The following ZC3H12B variants were observed in gnomAD, a reference collection of about 807,000 sequenced individuals.
The protein encoded by ZC3H12B is zinc finger CCCH-type containing 12B.
In ZC3H12B, 7 loss-of-function variants were observed where a neutral mutation model predicts 43.9. The observed-to-expected ratio is 0.16, with a 90% confidence interval of 0.09 to 0.30. The LOEUF (loss-of-function observed/expected upper bound fraction) is 0.30, where lower values mean the gene tolerates loss of function less well. ZC3H12B is among the 10% of genes least tolerant of loss of function. The probability of loss-of-function intolerance (pLI) is 1.00; values close to 1 mark genes in which losing one functional copy is unlikely to be tolerated. For missense variants in ZC3H12B, 475 were observed against 670.2 expected, an observed-to-expected ratio of 0.71 and a Z score of 3.22; for synonymous variants, 222 against 241.7, an observed-to-expected ratio of 0.92 and a Z score of 0.76.
At chrX:65,332,173 C>A in the ZC3H12B span, among the ~76,000 whole-genome samples, 1 of 110,294 alleles carries the variant, frequency 9.1e-6, no homozygotes, top group Non-Finnish European at 1.9e-5. Flanking sequence ...TATAAGAGAA[C>A]CCTTAATCTT....
intron 2 of ZC3H12B, among the ~76,000 whole-genome samples, chrX:65,383,359 T>G (rs189620408): frequency 1.8e-5 from 2 of 112,084 alleles, no homozygotes; most frequent in African/African-American, 6.5e-5. Flanking sequence ...GGGAAAGGAT[T>G]CCCTATTTAA....
At chrX:65,046,042 T>C in the ZC3H12B span, among the ~76,000 whole-genome samples, 1 of 111,703 alleles carries the variant, frequency 9.0e-6, no homozygotes, top group Non-Finnish European at 1.9e-5. Flanking sequence ...TAAACAGATG[T>C]GCTGTCCTCC....
rs758857545 is a variant in ZC3H12B, at chrX:65,430,064, C to T, written n.407+31360C>T. On this transcript the variant is annotated intron_variant and non_coding_transcript_variant, in intron 3 of 5. Transcript: ENST00000617377. ...GGGCCTGCAGAATTATGCTGCTTGG[C>T]TCCCTGGATTCAGCCCCCTTCCTAG... 6.2e-5 allele frequency among the ~76,000 whole-genome samples: 7 copies of T among 112,674 alleles called. No individual in the cohort carries two copies. The South Asian group carries it at 2.2e-3, about 35-fold the overall frequency.
the ZC3H12B span, among the ~76,000 whole-genome samples, chrX:65,264,202 G>T: frequency 1.8e-5 from 2 of 111,092 alleles, no homozygotes; most frequent in South Asian, 3.8e-4. Flanking sequence ...TGACATATTT[G>T]GTACAATGTC....
At chrX:65,201,774 C>G in the ZC3H12B span, among the ~76,000 whole-genome samples, 1 of 107,178 alleles carries the variant, frequency 9.3e-6, no homozygotes. Flanking sequence ...AATTGTAGTT[C>G]CCATAATCTC....
chrX:65,253,145 G>A, the ZC3H12B span, among the ~76,000 whole-genome samples: 1 of 112,038 alleles, frequency 8.9e-6, no homozygotes, highest in Non-Finnish European at 1.9e-5. Context: ...CGAGGGACCA[G>A]GACATCGGGA....
At chrX:65,353,200 G>T in the ZC3H12B span, among the ~76,000 whole-genome samples, 46 of 111,234 alleles carry the variant, frequency 4.1e-4, no homozygotes, top group Non-Finnish European at 8.3e-4. Context: ...GTTTTGGGAT[G>T]CCATGGACTG....
At chrX:65,379,573 G>A (rs111338965) in intron 2 of ZC3H12B, among the ~76,000 whole-genome samples, 1 of 112,586 alleles carries the variant, frequency 8.9e-6, no homozygotes, top group Middle Eastern at 4.6e-3. Flanking sequence ...AAGGAACGCA[G>A]TTCCTCACCA....
the ZC3H12B span, among the ~76,000 whole-genome samples, chrX:65,358,541 G>T: frequency 9.0e-4 from 100 of 111,452 alleles, no homozygotes; most frequent in African/African-American, 3.1e-3. Flanking sequence ...ACTCAAAACC[G>T]CACAACTACA....
the ZC3H12B span, among the ~76,000 whole-genome samples, chrX:65,121,367 G>C: frequency 9.0e-6 from 1 of 111,350 alleles, no homozygotes; most frequent in Non-Finnish European, 1.9e-5. Flanking sequence ...CTTCTTCCTG[G>C]TTTAGTCTTG....
At chrX:65,228,703 A>G in the ZC3H12B span, among the ~76,000 whole-genome samples, 1 of 112,319 alleles carries the variant, frequency 8.9e-6, no homozygotes, top group African/African-American at 3.2e-5. Context: ...TACAAAATCA[A>G]TGTACAAAAA....
At chrX:65,049,508 C>T in the ZC3H12B span, among the ~76,000 whole-genome samples, 1 of 111,170 alleles carries the variant, frequency 9.0e-6, no homozygotes, top group East Asian at 2.8e-4. Context: ...TTTGGGCTCA[C>T]TATTCTTTTC....
chrX:65,228,837 G>A, the ZC3H12B span, among the ~76,000 whole-genome samples: 1 of 111,356 alleles, frequency 9.0e-6, no homozygotes, highest in African/African-American at 3.3e-5. Context: ...AGACGTGAAG[G>A]ACCTCTTCAA....
chrX:65,301,252 C>G, the ZC3H12B span, among the ~76,000 whole-genome samples: 1 of 111,321 alleles, frequency 9.0e-6, no homozygotes, highest in Admixed American at 9.6e-5. Context: ...TAAACTAGTA[C>G]AACCACTATG....
chrX:65,228,560 A>G, the ZC3H12B span, among the ~76,000 whole-genome samples: 1 of 111,041 alleles, frequency 9.0e-6, no homozygotes, highest in Non-Finnish European at 1.9e-5. Flanking sequence ...AAGGAAATAA[A>G]GGGTATTCAA....
intron 3 of ZC3H12B, among the ~76,000 whole-genome samples, chrX:65,447,880 C>T (rs2067399808): frequency 9.0e-6 from 1 of 111,189 alleles, no homozygotes; most frequent in Non-Finnish European, 1.9e-5. Context: ...AAATTAAAAC[C>T]ACAATGAGAT....
intron 3 of ZC3H12B, among the ~76,000 whole-genome samples, chrX:65,479,253 G>A (rs967513088): frequency 2.7e-5 from 3 of 111,897 alleles, no homozygotes; most frequent in African/African-American, 9.7e-5. Flanking sequence ...CCATGTTTCC[G>A]GGAAGAGGAG....
the ZC3H12B span, among the ~76,000 whole-genome samples, chrX:65,321,957 G>A: frequency 9.0e-6 from 1 of 110,799 alleles, no homozygotes; most frequent in Admixed American, 9.6e-5. Context: ...TTAATACCTG[G>A]GTGATTAGAT....
the ZC3H12B span, among the ~76,000 whole-genome samples, chrX:65,251,914 G>T: frequency 9.0e-6 from 1 of 111,284 alleles, no homozygotes; most frequent in African/African-American, 3.3e-5. Flanking sequence ...TTTCCTAATT[G>T]AATACCCTTT....
Sources: gnomAD v4.1 joint callset for allele counts (sites outside exome capture counted in the v4.1 genomes callset) on GRCh38, gnomAD v4.1.1 for gene constraint, MANE v1.5 for transcripts, NCBI Gene and HGNC (gene_info 2026-07-23, HGNC 2026-07-21) for gene names.